MTUS2: variants seen among roughly 807,000 people sequenced by gnomAD.
MTUS2 encodes microtubule-associated tumor suppressor candidate 2.
A neutral mutation model predicts 114.1 loss-of-function variants in MTUS2; 40 were observed. The observed-to-expected ratio is 0.35, with a 90% CI of 0.27 to 0.46. The LOEUF is 0.46. Ranked by LOEUF, MTUS2 falls within the 20% of genes least tolerant of loss-of-function variation. The probability of loss-of-function intolerance (pLI) is 1.00; values close to 1 mark genes in which losing one functional copy is unlikely to be tolerated. For missense variants in MTUS2, 1,679 were observed against 1,705.4 expected, an observed-to-expected ratio of 0.98 and a Z score of 0.27; for synonymous variants, 688 against 672.0, an observed-to-expected ratio of 1.02 and a Z score of -0.37.
In MTUS2 at chr13:29,272,741, G is replaced by T. The variant is rs114487968; in HGVS notation, c.2645-8963G>T. Among the ~76,000 whole-genome samples, 393 of 152,272 alleles carry T rather than the reference G, an allele frequency of 2.6e-3. 1 individual carries two copies. The highest frequency in any genetic ancestry group is 9.2e-3 in the African/African-American group (381 of 41,550). The stretch of plus-strand genomic sequence containing the variant: ...AGAGAGTTTTCTTCCCTTAGCACAG[G>T]CTTCTCTGGCCTGAATTTGCATGTG... On this transcript the variant is annotated intron_variant, in intron 5 of 15. Transcript: ENST00000612955.
intron 2 of MTUS2, among the ~76,000 whole-genome samples, chr13:28,946,156 T>C (rs1882514293): frequency 6.6e-6 from 1 of 152,230 alleles, no homozygotes. Context: ...ATTTTGTTAA[T>C]TGGAAGACTC....
chr13:29,163,477 A>AT (rs1893185393), intron 5 of MTUS2, among the ~76,000 whole-genome samples: 1 of 151,926 alleles, frequency 6.6e-6, no homozygotes, highest in Non-Finnish European at 1.5e-5. Context: ...AGGAACACAC[A>AT]TTTTTTTCCT....
At chr13:29,009,420 G>A (rs937415474) in intron 2 of MTUS2, among the ~76,000 whole-genome samples, 1 of 151,678 alleles carries the variant, frequency 6.6e-6, no homozygotes, top group Non-Finnish European at 1.5e-5. Context: ...TAATAATATA[G>A]TATAATATAA....
At chr13:29,076,107 C>T (rs904081050) in intron 4 of MTUS2, among the ~76,000 whole-genome samples, 2 of 152,174 alleles carry the variant, frequency 1.3e-5, no homozygotes, top group Non-Finnish European at 2.9e-5. Context: ...TATTCATTAA[C>T]AAGAATTCAC....
intron 5 of MTUS2, among the ~76,000 whole-genome samples, chr13:29,223,543 A>G (rs1895989139): frequency 6.6e-6 from 1 of 152,196 alleles, no homozygotes; most frequent in East Asian, 1.9e-4. Flanking sequence ...GAGAGTAGCT[A>G]CCCACTGCAA....
chr13:29,381,774 C>G (rs1872223945), intron 8 of MTUS2, among the ~76,000 whole-genome samples: 1 of 152,208 alleles, frequency 6.6e-6, no homozygotes, highest in African/African-American at 2.4e-5. Flanking sequence ...TGTCTCAGCT[C>G]TGACCCTCAT....
intron 5 of MTUS2, among the ~76,000 whole-genome samples, chr13:29,112,476 A>T (rs1347549547): frequency 6.6e-6 from 1 of 152,212 alleles, no homozygotes; most frequent in South Asian, 2.1e-4. Flanking sequence ...AAATGTATGA[A>T]GGCAGAAATC....
intron 4 of MTUS2, among the ~76,000 whole-genome samples, chr13:29,064,113 A>G (rs1325309580): frequency 6.6e-6 from 1 of 152,176 alleles, no homozygotes; most frequent in East Asian, 1.9e-4. Flanking sequence ...AGGGGGAAGA[A>G]TGTTAGCGGG....
chr13:29,034,015 C>T lies in MTUS2; in HGVS notation c.2336C>T (p.Pro779Leu), dbSNP rs759913154. The change falls in exon 4 of 16, where the codon CCA becomes CTA. Residue 779 changes from proline (P) to leucine (L), a missense_variant. Physicochemically the swap from Pro to Leu is moderately conservative, Grantham distance 98. Coordinates refer to ENST00000612955, the MANE Select transcript of MTUS2 (RefSeq NM_001033602.4). Reference sequence around the variant, plus strand: ...GGATTGGGTGCAATGTCCCGTTTACCATCTGCAAAGAGCAGGATTCTGATT... The same window carrying T: ...GGATTGGGTGCAATGTCCCGTTTACTATCTGCAAAGAGCAGGATTCTGATT... ...QLGLGAMSRL[P>L]SAKSRILIAS... 1.2e-6 allele frequency: 2 copies of T among 1,614,006 alleles called. No homozygotes were observed. The highest frequency in any genetic ancestry group is 1.1e-5 in the South Asian group (1 of 91,074).
At chr13:29,356,156 A>G (rs529424263) in intron 7 of MTUS2, among the ~76,000 whole-genome samples, 14 of 152,246 alleles carry the variant, frequency 9.2e-5, no homozygotes, top group Non-Finnish European at 1.8e-4. Flanking sequence ...TCCTACATCT[A>G]AAAGTGTCAT....
chr13:29,252,994 T>C (rs1897174847), intron 5 of MTUS2, among the ~76,000 whole-genome samples: 1 of 152,080 alleles, frequency 6.6e-6, no homozygotes, highest in South Asian at 2.1e-4. Context: ...GAGAACATTC[T>C]TCCAGTGGGT....
chr13:28,886,276 C>T (rs1486194967), intron 2 of MTUS2, among the ~76,000 whole-genome samples: 1 of 152,088 alleles, frequency 6.6e-6, no homozygotes, highest in Non-Finnish European at 1.5e-5. Context: ...TTGAAAGGAT[C>T]ACTCAAGGGG....
intron 9 of MTUS2, among the ~76,000 whole-genome samples, chr13:29,447,613 T>G (rs1170286571): frequency 7.1e-6 from 1 of 139,962 alleles, no homozygotes; most frequent in African/African-American, 3.1e-5. Flanking sequence ...TGTCTCCATT[T>G]TTTTTTTTTT....
intron 2 of MTUS2, among the ~76,000 whole-genome samples, chr13:29,008,461 C>A (rs1342019587): frequency 6.6e-6 from 1 of 152,200 alleles, no homozygotes; most frequent in African/African-American, 2.4e-5. Flanking sequence ...GGCCACCACC[C>A]ATTTCCTTTT....
chr13:29,497,273 T>G lies in MTUS2; in HGVS notation c.3615T>G (p.Ser1205=). Residue 1205 remains serine, a synonymous_variant, in exon 13 of 16, where the codon TCT becomes TCG. Coordinates refer to ENST00000612955, the MANE Select transcript of MTUS2 (RefSeq NM_001033602.4). The part of the protein sequence containing the change: ...QVDTLTFQSQ[S]LRDRARRFEE... ...ACACGCTGACCTTCCAGAGCCAGTC[T>G]CTGCGGGACAGAGCCCGCCGCTTCG... 2 of 1,612,162 alleles carry G rather than the reference T, an allele frequency of 1.2e-6. No individual in the cohort carries two copies. Among genetic ancestry groups the G allele is most frequent in the Non-Finnish European group, 1.7e-6 (2 of 1,179,904 alleles).
At chr13:28,983,380 C>G (rs1052945814) in intron 2 of MTUS2, among the ~76,000 whole-genome samples, 2 of 152,182 alleles carry the variant, frequency 1.3e-5, no homozygotes, top group Admixed American at 1.3e-4. Flanking sequence ...TTGTGCACTT[C>G]CAATGTGGCT....
chr13:29,467,350 AT>A (rs537924451), intron 9 of MTUS2, among the ~76,000 whole-genome samples: 6 of 152,332 alleles, frequency 3.9e-5, no homozygotes, highest in Admixed American at 2.0e-4. Context: ...ATTAAAAATC[AT>A]TTTTTAATGC....
chr13:29,041,056 C>G (rs1246257455), intron 4 of MTUS2, among the ~76,000 whole-genome samples: 1 of 152,088 alleles, frequency 6.6e-6, no homozygotes, highest in Non-Finnish European at 1.5e-5. Flanking sequence ...AAGGGTTTTT[C>G]CGATGTTATC....
At chr13:29,022,910 A>C (rs948413457) in intron 2 of MTUS2, among the ~76,000 whole-genome samples, 1 of 152,236 alleles carries the variant, frequency 6.6e-6, no homozygotes, top group Non-Finnish European at 1.5e-5. Context: ...TTATTCATTC[A>C]TTTGTGCTGC....
Sources: gnomAD v4.1 joint callset for allele counts (sites outside exome capture counted in the v4.1 genomes callset) on GRCh38, gnomAD v4.1.1 for gene constraint, MANE v1.5 for transcripts, NCBI Gene and HGNC (gene_info 2026-07-23, HGNC 2026-07-21) for gene names.